The following CCNI variants were observed in gnomAD, a reference collection of about 807,000 sequenced individuals.
CCNI encodes cyclin I.
CCNI carries 14 observed loss-of-function variants against 34.1 expected under a neutral mutation model. The ratio of observed to expected loss-of-function variants is 0.41; its 90% CI spans 0.27 to 0.64. The LOEUF (loss-of-function observed/expected upper bound fraction) is 0.64. Among genes scored for constraint, CCNI ranks in the 30% least tolerant of loss-of-function variants. The probability of loss-of-function intolerance (pLI) is 0.31; values close to 1 mark genes in which losing one functional copy is unlikely to be tolerated. For missense variants in CCNI, 385 were observed against 440.5 expected (o/e 0.87, Z 1.13); for synonymous variants, 154 against 158.4 (o/e 0.97, Z 0.21).
In CCNI at chr4:77,058,644, G is replaced by C; in HGVS notation, c.115-9C>G. On this transcript the variant is annotated splice_polypyrimidine_tract_variant and intron_variant, in intron 2 of 6. Coordinates refer to ENST00000237654, the MANE Select transcript of CCNI (RefSeq NM_006835.3). ...TGGGATGGAGAAACATTCTATAAGG[G>C]AACAATTTTGAAAACAGAAGACAAA... The C allele has an allele frequency of 2.5e-6, 4 of 1,606,468 alleles. No homozygotes were observed. The highest frequency in any genetic ancestry group is 3.4e-6 in the Non-Finnish European group (4 of 1,176,984).
At chr4:77,067,616 A>T (rs541723070) in intron 1 of CCNI, among the ~76,000 whole-genome samples, 1 of 150,868 alleles carries the variant, frequency 6.6e-6, no homozygotes, top group Non-Finnish European at 1.5e-5. Flanking sequence ...TCAGCCTCCC[A>T]AATAGCTGGG....
chr4:77,054,725 T>G (rs1431372236), intron 6 of CCNI, among the ~76,000 whole-genome samples: 1 of 152,230 alleles, frequency 6.6e-6, no homozygotes, highest in Non-Finnish European at 1.5e-5. Flanking sequence ...GTATAAATAC[T>G]TCACTTACTA....
At chr4:77,048,718 GCT>G (rs1281049982) in intron 6 of CCNI, 56 bp from the exon 7 acceptor site, 8 of 1,339,202 alleles carry the variant, frequency 6.0e-6, no homozygotes, top group Admixed American at 2.7e-5. Flanking sequence ...AACATAGGCT[GCT>G]CTGTTATCTC....
chr4:77,070,668 T>C (rs1729392441), intron 1 of CCNI, among the ~76,000 whole-genome samples: 1 of 152,194 alleles, frequency 6.6e-6, no homozygotes, highest in South Asian at 2.1e-4. Flanking sequence ...TATAATTTCT[T>C]CTAATGCAGA....
At position 77,060,625 on chromosome 4, in the gene CCNI, A is replaced by ATT. The variant is rs558884443; in HGVS notation, c.115-1992_115-1991dup. ...AGGTACGTGCCACCAGGCCCGGCTA[A>ATT]TTTTTTTTTTTTTTTTGAGATGGAG... On this transcript the variant is annotated intron_variant, in intron 2 of 6. Coordinates refer to ENST00000237654, the MANE Select transcript of CCNI (RefSeq NM_006835.3). Among the ~76,000 whole-genome samples the ATT allele has an allele frequency of 7.1e-3, 941 of 133,410 alleles. 15 individuals carry two copies. The highest frequency in any genetic ancestry group is 0.024 in the African/African-American group (876 of 36,282). 87.5% of individuals were successfully genotyped at this position (133,410 alleles called of 152,430 possible). A position where few individuals can be genotyped will look rare whatever the true frequency, so the allele number is the denominator to read the frequency against.
intron 1 of CCNI, among the ~76,000 whole-genome samples, chr4:77,066,977 T>C (rs1047797503): frequency 6.6e-6 from 1 of 152,190 alleles, no homozygotes; most frequent in Non-Finnish European, 1.5e-5. Flanking sequence ...CTCACGCCTG[T>C]AATCCCATCA....
Position 77,055,966 on chromosome 4 carries a change from T to G in CCNI, c.455A>C (p.His152Pro), listed in dbSNP as rs747000278. 1 of 1,609,042 alleles carries G rather than the reference T, an allele frequency of 6.2e-7. No homozygotes were observed. The highest frequency in any genetic ancestry group is 8.5e-7 in the Non-Finnish European group (1 of 1,177,706). ...AAAGACTTCAGGTATATTTACAATA[T>G]GAAGAAAATCCAATGGTGTGGCTGT... The part of the protein sequence containing the change: ...LHTATPLDFL[H>P]IFHAIAVSTR... Residue 152 changes from histidine (H) to proline (P), a missense_variant, in exon 5 of 7, where the codon CAT becomes CCT. This residue lies in a region of CCNI where 135 missense variants were observed against 191.8 expected (regional missense o/e 0.70). Transcript: ENST00000237654.
rs146598731 is a variant in CCNI at position 77,055,752 on chromosome 4, C to G, written c.459+210G>C. On this transcript the variant is annotated intron_variant, in intron 5 of 6. Transcript: ENST00000237654. Reference sequence around the variant, plus strand: ...AAAGTGCTGGGATTACAGGCGTGAGCCACCGCGCCCAGCCTAACCTATTCA... The same window carrying G: ...AAAGTGCTGGGATTACAGGCGTGAGGCACCGCGCCCAGCCTAACCTATTCA... Among the ~76,000 whole-genome samples, 435 of 152,076 alleles carry G rather than the reference C, an allele frequency of 2.9e-3. 1 individual carries two copies. Among genetic ancestry groups the G allele is most frequent in the African/African-American group, 1.0e-2 (415 of 41,564 alleles).
intron 1 of CCNI, among the ~76,000 whole-genome samples, chr4:77,068,958 A>G (rs1729251569): frequency 6.6e-6 from 1 of 152,172 alleles, no homozygotes; most frequent in Non-Finnish European, 1.5e-5. Context: ...CAAATCTTCT[A>G]TAATTAGCAT....
At chr4:77,072,638 TAAAA>T (rs61247567) in intron 1 of CCNI, among the ~76,000 whole-genome samples, 3,270 of 101,314 alleles carry the variant, frequency 0.032, 166 homozygotes, top group African/African-American at 0.13. Flanking sequence ...CCCAATCTCT[TAAAA>T]AAAAAAAAAA....
intron 1 of CCNI, among the ~76,000 whole-genome samples, chr4:77,072,847 T>C (rs1213873658): frequency 2.6e-5 from 4 of 152,264 alleles, no homozygotes; most frequent in African/African-American, 9.6e-5. Context: ...AGAATATTAC[T>C]ATTCTTGTGA....
intron 1 of CCNI, among the ~76,000 whole-genome samples, chr4:77,066,804 A>G (rs1018654232): frequency 3.3e-5 from 5 of 152,242 alleles, no homozygotes; most frequent in Non-Finnish European, 7.3e-5. Context: ...AAAAGAAAAT[A>G]TATTACATTA....
At chr4:77,057,417 T>G (rs1443267261) in intron 3 of CCNI, among the ~76,000 whole-genome samples, 2 of 152,236 alleles carry the variant, frequency 1.3e-5, no homozygotes, top group African/African-American at 4.8e-5. Context: ...GGTCCTGTCA[T>G]GTTTAGTAAG....
intron 6 of CCNI, among the ~76,000 whole-genome samples, chr4:77,051,706 C>G (rs1342811659): frequency 1.3e-5 from 2 of 152,184 alleles, no homozygotes; most frequent in South Asian, 4.1e-4. Context: ...TATACTGGAA[C>G]TACCAAAACT....
In CCNI at chr4:77,047,873, GA is replaced by G. The variant is rs1727534268; in HGVS notation, c.*345del. ...AAAATTAAATCAGGATGCTGAGGGGGAACAGGATTGCTGGCCATGAATTTTA... is the reference window on the plus strand; with the variant it reads ...AAAATTAAATCAGGATGCTGAGGGGGACAGGATTGCTGGCCATGAATTTTA... On this transcript the variant is annotated 3_prime_UTR_variant, in exon 7 of 7. Coordinates refer to ENST00000237654, the MANE Select transcript of CCNI (RefSeq NM_006835.3). 5.3e-6 allele frequency: 1 copy of G among 187,390 alleles called. No individual in the cohort carries two copies. The highest frequency in any genetic ancestry group is 1.1e-5 in the Non-Finnish European group (1 of 89,360). 11.6% of individuals were successfully genotyped at this position (187,390 alleles called of 1,614,324 possible).
At chr4:77,060,140 G>A (rs1197786905) in intron 2 of CCNI, among the ~76,000 whole-genome samples, 4 of 151,878 alleles carry the variant, frequency 2.6e-5, no homozygotes, top group Non-Finnish European at 5.9e-5. Flanking sequence ...ATTAAATAAT[G>A]TCACTATTTG....
chr4:77,048,074 A>G lies in CCNI; in HGVS notation c.*145T>C. ...CTGAATTATAATTAGCCACACAAATAATGAGAGTTTTATTTTTTTTTTCTG... is the reference window on the plus strand; with the variant it reads ...CTGAATTATAATTAGCCACACAAATGATGAGAGTTTTATTTTTTTTTTCTG... On this transcript the variant is annotated 3_prime_UTR_variant, in exon 7 of 7. Coordinates refer to ENST00000237654, the MANE Select transcript of CCNI (RefSeq NM_006835.3). The G allele has an allele frequency of 1.8e-6, 1 of 556,838 alleles. No individual in the cohort carries two copies. The allele number at this position is 556,838 out of a possible 1,614,324, so 34.5% of individuals were successfully genotyped here. A position where few individuals can be genotyped will look rare whatever the true frequency, so the allele number is the denominator to read the frequency against.
chr4:77,051,801 TA>T (rs988634522), intron 6 of CCNI, among the ~76,000 whole-genome samples: 11 of 152,164 alleles, frequency 7.2e-5, no homozygotes, highest in Non-Finnish European at 1.6e-4. Flanking sequence ...GAATATGTAT[TA>T]TTTTTTATAA....
chr4:77,049,941 T>C (rs1434525886), intron 6 of CCNI, among the ~76,000 whole-genome samples: 1 of 152,154 alleles, frequency 6.6e-6, no homozygotes, highest in African/African-American at 2.4e-5. Flanking sequence ...TAGCATCATA[T>C]ATTCCTTCCC....
Sources: gnomAD v4.1 joint callset for allele counts (sites outside exome capture counted in the v4.1 genomes callset) on GRCh38, gnomAD v4.1.1 for gene constraint, gnomAD v4.1.1 regional missense constraint, MANE v1.5 for transcripts, NCBI Gene and HGNC (gene_info 2026-07-23, HGNC 2026-07-21) for gene names.